Variants in KCNJ6 observed in about 807,000 individuals in gnomAD.
KCNJ6 encodes the protein G protein-activated inward rectifier potassium channel 2.
Under a neutral mutation model 34.2 loss-of-function variants are expected in KCNJ6, and 9 were observed. That is an observed-to-expected ratio of 0.26 (90% CI 0.16 to 0.46). KCNJ6 has a LOEUF of 0.46. KCNJ6 is among the 20% of genes least tolerant of loss of function. KCNJ6 has a pLI of 1.00. For synonymous variants in KCNJ6, 196 were observed against 207.1 expected (o/e 0.95, Z 0.46); for missense variants, 236 against 531.3 (o/e 0.44, Z 5.46).
At chr21:37,758,007 T>G (rs2123491128) in intron 2 of KCNJ6, among the ~76,000 whole-genome samples, 1 of 152,266 alleles carries the variant, frequency 6.6e-6, no homozygotes, top group Middle Eastern at 3.4e-3. Context: ...TGGCATTAGG[T>G]TTCAGGGTGT....
At chr21:37,687,883 T>C (rs1232746889) in intron 3 of KCNJ6, among the ~76,000 whole-genome samples, 1 of 152,248 alleles carries the variant, frequency 6.6e-6, no homozygotes, top group Non-Finnish European at 1.5e-5. Flanking sequence ...TTCTAGAGTC[T>C]AGATGGATAA....
chr21:37,630,595 C>T (rs1048832573), intron 3 of KCNJ6, among the ~76,000 whole-genome samples: 3 of 152,034 alleles, frequency 2.0e-5, no homozygotes, highest in African/African-American at 7.2e-5. Context: ...TATGAAGGAC[C>T]CTTAGCTAAG....
At chr21:37,800,807 G>A (rs1356405815) in intron 2 of KCNJ6, among the ~76,000 whole-genome samples, 2 of 152,190 alleles carry the variant, frequency 1.3e-5, no homozygotes, top group African/African-American at 4.8e-5. Context: ...CAAGAGGGGC[G>A]GAGGTTCCCA....
chr21:37,888,567 TA>T (rs1439747946), intron 1 of KCNJ6, among the ~76,000 whole-genome samples: 3 of 152,060 alleles, frequency 2.0e-5, no homozygotes, highest in Non-Finnish European at 4.4e-5. Flanking sequence ...AAATAGAAGA[TA>T]AGAATCCTAC....
intron 1 of KCNJ6, among the ~76,000 whole-genome samples, chr21:37,876,819 T>G (rs1227787370): frequency 1.3e-5 from 2 of 152,076 alleles, no homozygotes; most frequent in African/African-American, 4.8e-5. Context: ...ATGTAATACA[T>G]GAAATCACAT....
At chr21:37,855,548 C>T (rs532659137) in intron 1 of KCNJ6, among the ~76,000 whole-genome samples, 6 of 152,144 alleles carry the variant, frequency 3.9e-5, no homozygotes, top group African/African-American at 1.4e-4. Context: ...AGTTTTGTGA[C>T]AAAAAGAATT....
chr21:37,823,347 A>G (rs1285409860), intron 2 of KCNJ6, among the ~76,000 whole-genome samples: 1 of 152,242 alleles, frequency 6.6e-6, no homozygotes, highest in Non-Finnish European at 1.5e-5. Context: ...CCAGGTACAG[A>G]AGGACAAATA....
At chr21:37,855,670 C>T (rs891551120) in intron 1 of KCNJ6, among the ~76,000 whole-genome samples, 1 of 152,156 alleles carries the variant, frequency 6.6e-6, no homozygotes, top group African/African-American at 2.4e-5. Flanking sequence ...CCCCTCTCTC[C>T]CCCGGGGACC....
At chr21:37,648,949 T>C (rs1381621901) in intron 3 of KCNJ6, among the ~76,000 whole-genome samples, 2 of 151,900 alleles carry the variant, frequency 1.3e-5, no homozygotes, top group East Asian at 1.9e-4. Context: ...CTGGCCAACA[T>C]GGTGAAACCC....
chr21:37,634,778 A>G (rs1419413642), intron 3 of KCNJ6, among the ~76,000 whole-genome samples: 1 of 138,370 alleles, frequency 7.2e-6, no homozygotes, highest in Non-Finnish European at 1.6e-5. Context: ...TTTTTTTTTC[A>G]GACAGAGTCT....
intron 2 of KCNJ6, among the ~76,000 whole-genome samples, chr21:37,754,918 T>C (rs74820404): frequency 0.023 from 3,447 of 152,288 alleles, 115 homozygotes; most frequent in African/African-American, 0.078. Flanking sequence ...GCAGTGCAGC[T>C]GGACAGAAAG....
Position 37,714,569 on chromosome 21 carries a change from G to A in KCNJ6, c.588C>T (p.Pro196=), listed in dbSNP as rs2054779691. 1 of 1,614,086 alleles carries A rather than the reference G, an allele frequency of 6.2e-7. No homozygotes were observed. Among genetic ancestry groups the A allele is most frequent in the Admixed American group, 1.7e-5 (1 of 60,030 alleles). Residue 196 remains proline (P), a synonymous_variant, in exon 3 of 4, where the codon CCC becomes CCT. Coordinates refer to ENST00000609713, the MANE Select transcript of KCNJ6 (RefSeq NM_002240.5). The surrounding 1 kb of genome is among the most constrained non-coding windows in gnomAD (Gnocchi z 5.9). The stretch of plus-strand genomic sequence containing the variant: ...AGACCAGGGTCTCTGCCCTCTTCTT[G>A]GGTTGAGAGATTTTTACAAACATGC... ...VGCMFVKISQ[P]KKRAETLVFS...
At chr21:37,676,831 G>A (rs1190237954) in intron 3 of KCNJ6, among the ~76,000 whole-genome samples, 1 of 152,244 alleles carries the variant, frequency 6.6e-6, no homozygotes, top group East Asian at 1.9e-4. Flanking sequence ...GAGTGACCTG[G>A]CTCCAAATGC....
chr21:37,854,740 TCA>T (rs1057148906), intron 1 of KCNJ6, among the ~76,000 whole-genome samples: 1 of 131,192 alleles, frequency 7.6e-6, no homozygotes, highest in South Asian at 3.1e-4. Flanking sequence ...TATCAAAATA[TCA>T]CATGAGATAT....
At position 37,619,212 on chromosome 21, in the gene KCNJ6, G is replaced by A. The variant is rs1371561774; in HGVS notation, c.*5947C>T. On this transcript the variant is annotated 3_prime_UTR_variant, in exon 4 of 4. Coordinates refer to ENST00000609713, the MANE Select transcript of KCNJ6 (RefSeq NM_002240.5). ...TTTTTCCATAGAACTAAAAAGATAAGGAACCTAGCTTGGCTGACTACCTCT... is the reference window on the plus strand; with the variant it reads ...TTTTTCCATAGAACTAAAAAGATAAAGAACCTAGCTTGGCTGACTACCTCT... The A allele has an allele frequency of 1.3e-5, 2 of 152,098 alleles. No homozygotes were observed. Among genetic ancestry groups the A allele is most frequent in the South Asian group, 4.1e-4 (2 of 4,824 alleles). 9.4% of individuals were successfully genotyped at this position (152,098 alleles called of 1,614,324 possible). A position where few individuals can be genotyped will look rare whatever the true frequency, so the allele number is the denominator to read the frequency against.
At chr21:37,849,531 C>T (rs1324107190) in intron 1 of KCNJ6, among the ~76,000 whole-genome samples, 2 of 152,126 alleles carry the variant, frequency 1.3e-5, no homozygotes, top group Non-Finnish European at 2.9e-5. Context: ...CTGAGTCTTC[C>T]AACATCCACT....
At chr21:37,912,091 T>G (rs555800809) in intron 1 of KCNJ6, among the ~76,000 whole-genome samples, 1 of 152,294 alleles carries the variant, frequency 6.6e-6, no homozygotes, top group East Asian at 1.9e-4. Flanking sequence ...ATACTAATGT[T>G]TAGGCAATAT....
chr21:37,683,240 C>T (rs1220749180), intron 3 of KCNJ6, among the ~76,000 whole-genome samples: 1 of 152,188 alleles, frequency 6.6e-6, no homozygotes, highest in Non-Finnish European at 1.5e-5. Flanking sequence ...AAGAAAAATC[C>T]TATTTGCAGA....
chr21:37,609,651 G>A lies in KCNJ6; in HGVS notation c.*15508C>T, dbSNP rs775151897. On this transcript the variant is annotated 3_prime_UTR_variant, in exon 4 of 4. Coordinates refer to ENST00000609713, the MANE Select transcript of KCNJ6 (RefSeq NM_002240.5). Reference sequence around the variant, plus strand: ...AACTAAAATAAAGCAGTAGTGCTACGGTTAAAATAAATCAGCTTAATTAAA... The same window carrying A: ...AACTAAAATAAAGCAGTAGTGCTACAGTTAAAATAAATCAGCTTAATTAAA... 3.3e-5 allele frequency: 5 copies of A among 152,098 alleles called. No homozygotes were observed. The highest frequency in any genetic ancestry group is 1.2e-4 in the African/African-American group (5 of 41,394). The allele number at this position is 152,098 out of a possible 1,614,324, so 9.4% of individuals were successfully genotyped here. A position where few individuals can be genotyped will look rare whatever the true frequency, so the allele number is the denominator to read the frequency against.
Sources: gnomAD v4.1 joint callset for allele counts (sites outside exome capture counted in the v4.1 genomes callset) on GRCh38, gnomAD v4.1.1 for gene constraint, Gnocchi (gnomAD v3.1) non-coding constraint, MANE v1.5 for transcripts, NCBI Gene and HGNC (gene_info 2026-07-23, HGNC 2026-07-21) for gene names.